Variants in SLC1A1 observed in about 807,000 individuals in gnomAD.
SLC1A1 encodes the protein excitatory amino acid transporter 3.
A neutral mutation model predicts 53.3 loss-of-function variants in SLC1A1; 43 were observed. The ratio of observed to expected loss-of-function variants is 0.81; its 90% CI spans 0.63 to 1.04. The LOEUF is 1.04. Among genes scored for constraint, SLC1A1 ranks in the 50% least tolerant of loss-of-function variants. The probability of loss-of-function intolerance (pLI) is 0.00; values close to 1 mark genes in which losing one functional copy is unlikely to be tolerated. For missense variants in SLC1A1, 748 were observed against 664.9 expected, an observed-to-expected ratio of 1.12 and a Z score of -1.37; for synonymous variants, 307 against 243.2, an observed-to-expected ratio of 1.26 and a Z score of -2.44.
In SLC1A1 at chr9:4,585,712, C is replaced by A; in HGVS notation, c.*154C>A. ...TTATTTTCTATATTTGGATTCACAG[C>A]CTTTGCGCTCTGGGTTTTGGGATTT... On this transcript the variant is annotated 3_prime_UTR_variant, in exon 12 of 12. Transcript: ENST00000262352. 1.0e-6 allele frequency: 1 copy of A among 958,062 alleles called. No individual in the cohort carries two copies. The highest frequency in any genetic ancestry group is 1.6e-6 in the Non-Finnish European group (1 of 637,526). 59.3% of individuals were successfully genotyped at this position (958,062 alleles called of 1,614,324 possible). A position where few individuals can be genotyped will look rare whatever the true frequency, so the allele number is the denominator to read the frequency against.
intron 2 of SLC1A1, among the ~76,000 whole-genome samples, chr9:4,546,937 C>A (rs1031371671): frequency 6.6e-6 from 1 of 152,282 alleles, no homozygotes; most frequent in South Asian, 2.1e-4. Flanking sequence ...ACCTGATGAG[C>A]AATACTATTG....
At chr9:4,531,778 C>G (rs1238705057) in intron 1 of SLC1A1, among the ~76,000 whole-genome samples, 1 of 152,064 alleles carries the variant, frequency 6.6e-6, no homozygotes, top group Admixed American at 6.5e-5. Flanking sequence ...TCCCTGACCC[C>G]CGAGTAGCCT....
chr9:4,512,592 TG>T (rs1487631493), intron 1 of SLC1A1, among the ~76,000 whole-genome samples: 1 of 152,008 alleles, frequency 6.6e-6, no homozygotes, highest in Non-Finnish European at 1.5e-5. Flanking sequence ...AGAAGAAAGT[TG>T]GAGGAATCAT....
At chr9:4,530,553 T>G (rs1318413088) in intron 1 of SLC1A1, among the ~76,000 whole-genome samples, 1 of 152,130 alleles carries the variant, frequency 6.6e-6, no homozygotes, top group East Asian at 1.9e-4. Context: ...AAAATCAACT[T>G]TTCTTCTGAG....
chr9:4,566,588 C>G (rs950846269), intron 5 of SLC1A1, among the ~76,000 whole-genome samples: 1 of 152,144 alleles, frequency 6.6e-6, no homozygotes, highest in East Asian at 1.9e-4. Context: ...AAGCTCACAC[C>G]TGTAATCCCA....
intron 1 of SLC1A1, among the ~76,000 whole-genome samples, chr9:4,520,594 G>C (rs1169699712): frequency 6.6e-6 from 1 of 152,158 alleles, no homozygotes; most frequent in Non-Finnish European, 1.5e-5. Flanking sequence ...GCATGCAGCA[G>C]TGCTTTATTC....
chr9:4,493,168 C>T (rs1013725235), intron 1 of SLC1A1, among the ~76,000 whole-genome samples: 7 of 152,154 alleles, frequency 4.6e-5, no homozygotes, highest in African/African-American at 7.2e-5. Flanking sequence ...ATCAAGTGCC[C>T]AGCTGAAATC....
chr9:4,491,257 G>C (rs368101807), intron 1 of SLC1A1, among the ~76,000 whole-genome samples: 76 of 152,328 alleles, frequency 5.0e-4, no homozygotes, highest in African/African-American at 1.7e-3. Context: ...GGACCCTTAG[G>C]GGAGGGAGGC....
intron 1 of SLC1A1, among the ~76,000 whole-genome samples, chr9:4,543,485 A>C (rs1225586257): frequency 6.6e-6 from 1 of 152,232 alleles, no homozygotes; most frequent in African/African-American, 2.4e-5. Flanking sequence ...TTAGTTATTA[A>C]AGTCATCATT....
intron 1 of SLC1A1, among the ~76,000 whole-genome samples, chr9:4,493,022 TAAGAAG>T (rs1039130849): frequency 6.6e-6 from 1 of 152,188 alleles, no homozygotes; most frequent in South Asian, 2.1e-4. Flanking sequence ...GTTGCGTGAA[TAAGAAG>T]AAGTACATGC....
rs139888723 is a variant in SLC1A1 at position 4,547,944 on chromosome 9, T to C, written c.232+3237T>C. ...AATAAAATTACACAACAGGATAGTGTATACAATCCAAATTTTATTAAAATG... is the reference window on the plus strand; with the variant it reads ...AATAAAATTACACAACAGGATAGTGCATACAATCCAAATTTTATTAAAATG... On this transcript the variant is annotated intron_variant, in intron 2 of 11. Coordinates refer to ENST00000262352, the MANE Select transcript of SLC1A1 (RefSeq NM_004170.6). 8.1e-4 allele frequency among the ~76,000 whole-genome samples: 124 copies of C among 152,310 alleles called. No individual in the cohort carries two copies. The East Asian group carries it at 0.021, about 26-fold the overall frequency.
In SLC1A1 at chr9:4,528,215, T is replaced by G. The variant is rs569983592; in HGVS notation, c.92-16352T>G. ...ACAAAACTGTACAGCCCACCTCCCC[T>G]TCTCACAAGAAGATACTTCCTGCAT... On this transcript the variant is annotated intron_variant, in intron 1 of 11. Coordinates refer to ENST00000262352, the MANE Select transcript of SLC1A1 (RefSeq NM_004170.6). Among the ~76,000 whole-genome samples the G allele has an allele frequency of 1.2e-4, 19 of 152,198 alleles. No homozygotes were observed. The East Asian group carries it at 3.5e-3, about 28-fold the overall frequency.
chr9:4,498,033 C>G (rs752728972), intron 1 of SLC1A1, among the ~76,000 whole-genome samples: 1 of 152,188 alleles, frequency 6.6e-6, no homozygotes, highest in Non-Finnish European at 1.5e-5. Flanking sequence ...GGATCAGGAA[C>G]TAGTGGTATG....
At chr9:4,563,728 A>T (rs564754805) in intron 3 of SLC1A1, among the ~76,000 whole-genome samples, 1 of 152,218 alleles carries the variant, frequency 6.6e-6, no homozygotes, top group Non-Finnish European at 1.5e-5. Flanking sequence ...ATGCTGTCAG[A>T]TGCTCTGCCA....
chr9:4,546,330 T>A (rs1394389473), intron 2 of SLC1A1, among the ~76,000 whole-genome samples: 1 of 152,214 alleles, frequency 6.6e-6, no homozygotes, highest in Non-Finnish European at 1.5e-5. Flanking sequence ...GCAGACCAAT[T>A]ATTTGTCCCA....
At chr9:4,532,123 A>C (rs899553273) in intron 1 of SLC1A1, among the ~76,000 whole-genome samples, 3 of 152,148 alleles carry the variant, frequency 2.0e-5, no homozygotes, top group African/African-American at 7.2e-5. Flanking sequence ...GAGCAGAAAA[A>C]CTGGAAACTC....
chr9:4,506,733 T>C (rs1177402813), intron 1 of SLC1A1, among the ~76,000 whole-genome samples: 1 of 152,212 alleles, frequency 6.6e-6, no homozygotes, highest in African/African-American at 2.4e-5. Flanking sequence ...TCACTGAGCT[T>C]GTGTAGGCTT....
chr9:4,555,354 C>T (rs1252340824), intron 2 of SLC1A1, among the ~76,000 whole-genome samples: 6 of 152,162 alleles, frequency 3.9e-5, no homozygotes, highest in South Asian at 2.1e-4. Context: ...GAGATTGTCA[C>T]GAAAGCTTTG....
intron 2 of SLC1A1, among the ~76,000 whole-genome samples, chr9:4,558,206 T>C (rs1320530131): frequency 6.6e-6 from 1 of 152,196 alleles, no homozygotes; most frequent in Non-Finnish European, 1.5e-5. Context: ...GTATCTGTTC[T>C]CTCCCTCTAT....
Sources: gnomAD v4.1 joint callset for allele counts (sites outside exome capture counted in the v4.1 genomes callset) on GRCh38, gnomAD v4.1.1 for gene constraint, MANE v1.5 for transcripts, NCBI Gene and HGNC (gene_info 2026-07-23, HGNC 2026-07-21) for gene names.